Variants in KALRN observed in about 807,000 individuals in gnomAD.
The protein encoded by KALRN is kalirin RhoGEF kinase.
In KALRN, 70 loss-of-function variants were observed where a neutral mutation model predicts 353.7. That is an observed-to-expected ratio of 0.20 (90% CI 0.16 to 0.24). The LOEUF (loss-of-function observed/expected upper bound fraction) is 0.24. KALRN is among the 10% of genes least tolerant of loss of function. KALRN has a pLI of 1.00. For missense variants in KALRN, 2,791 were observed against 3,756.7 expected (o/e 0.74, Z 6.72); for synonymous variants, 1,391 against 1,434.8 (o/e 0.97, Z 0.69).
chr3:124,186,264 C>T lies in KALRN; in HGVS notation c.74-41726C>T, dbSNP rs766619346. Among the ~76,000 whole-genome samples, 39 of 152,096 alleles carry T rather than the reference C, an allele frequency of 2.6e-4. 1 individual carries two copies. Among genetic ancestry groups the T allele is most frequent in the African/African-American group, 7.2e-5 (3 of 41,406 alleles). ...GCACTCCTGGATATTGTGTGTCAGG[C>T]GTCTCTTGAAGACATTTACCCCAGT... On this transcript the variant is annotated intron_variant, in intron 1 of 59. Transcript: ENST00000682506.
rs1302565417 is a variant in KALRN at position 124,616,978 on chromosome 3, A to G, written c.5183-15442A>G. Among the ~76,000 whole-genome samples the G allele has an allele frequency of 2.0e-5, 3 of 151,432 alleles. 1 individual carries two copies. Among genetic ancestry groups the G allele is most frequent in the African/African-American group, 7.3e-5 (3 of 41,172 alleles). On this transcript the variant is annotated intron_variant, in intron 34 of 59. Transcript: ENST00000682506. ...AGACTCCATCTCCAAAAAAAAAAAA[A>G]AAAAGTTATATTGCTAAGTTTTGTC...
chr3:124,399,903 G>A (rs1191343222), intron 13 of KALRN, among the ~76,000 whole-genome samples: 1 of 152,138 alleles, frequency 6.6e-6, no homozygotes, highest in Non-Finnish European at 1.5e-5. Context: ...TGTGGTATAA[G>A]GAATATCCAA....
chr3:124,111,151 C>T (rs2062927172), intron 1 of KALRN, among the ~76,000 whole-genome samples: 1 of 152,110 alleles, frequency 6.6e-6, no homozygotes, highest in Non-Finnish European at 1.5e-5. Context: ...ATCACCCAGC[C>T]TGCCACTACA....
intron 33 of KALRN, among the ~76,000 whole-genome samples, chr3:124,539,466 C>T (rs1276081418): frequency 6.6e-6 from 1 of 152,156 alleles, no homozygotes; most frequent in Non-Finnish European, 1.5e-5. Flanking sequence ...TTTTGCACAG[C>T]TGAGCACCCA....
intron 1 of KALRN, among the ~76,000 whole-genome samples, chr3:124,036,998 A>G (rs1263042683): frequency 6.6e-6 from 1 of 152,196 alleles, no homozygotes; most frequent in Non-Finnish European, 1.5e-5. Context: ...CTTCTTGGGA[A>G]TTCTCTGTTC....
chr3:124,567,046 A>G (rs987065746), intron 34 of KALRN, among the ~76,000 whole-genome samples: 6 of 152,162 alleles, frequency 3.9e-5, no homozygotes, highest in African/African-American at 1.4e-4. Flanking sequence ...ATGGTTCTTG[A>G]TGATCCACTA....
chr3:124,470,826 A>G (rs894225592), intron 25 of KALRN, among the ~76,000 whole-genome samples: 1 of 152,236 alleles, frequency 6.6e-6, no homozygotes, highest in Non-Finnish European at 1.5e-5. Context: ...AGCACAAAGA[A>G]GTTTGAGAAG....
chr3:124,452,467 G>T (rs2058883149), intron 21 of KALRN, among the ~76,000 whole-genome samples: 1 of 152,184 alleles, frequency 6.6e-6, no homozygotes, highest in African/African-American at 2.4e-5. Context: ...TAAAATAGAA[G>T]CATGTATGTG....
chr3:124,156,795 G>A (rs778208965), intron 1 of KALRN, among the ~76,000 whole-genome samples: 1 of 152,162 alleles, frequency 6.6e-6, no homozygotes, highest in Non-Finnish European at 1.5e-5. Flanking sequence ...CATGGAGTTA[G>A]GACTGTGGCA....
chr3:124,406,832 C>CTTTTTTTTTT (rs10686645), intron 13 of KALRN, among the ~76,000 whole-genome samples: 3 of 126,314 alleles, frequency 2.4e-5, no homozygotes, highest in Non-Finnish European at 1.6e-5. Flanking sequence ...AGTTGCTTTG[C>CTTTTTTTTTT]TTTTTTTTTT....
chr3:124,324,327 G>C (rs1220903278), intron 6 of KALRN, among the ~76,000 whole-genome samples: 1 of 152,152 alleles, frequency 6.6e-6, no homozygotes, highest in African/African-American at 2.4e-5. Flanking sequence ...TCCCATAGAA[G>C]ATAAAACTGT....
intron 1 of KALRN, among the ~76,000 whole-genome samples, chr3:124,092,426 T>G (rs1351764527): frequency 6.6e-6 from 1 of 152,264 alleles, no homozygotes; most frequent in Non-Finnish European, 1.5e-5. Context: ...CATTCTTACT[T>G]GGAGATGCAC....
intron 8 of KALRN, among the ~76,000 whole-genome samples, chr3:124,333,041 G>A (rs902863190): frequency 1.3e-5 from 2 of 152,222 alleles, no homozygotes; most frequent in African/African-American, 4.8e-5. Context: ...GCAGAAAGAG[G>A]AGGAGGAGCA....
rs536410762 is a variant in KALRN at position 124,587,887 on chromosome 3, G to T, written c.5182+24798G>T. On this transcript the variant is annotated intron_variant, in intron 34 of 59. Transcript: ENST00000682506. The stretch of plus-strand genomic sequence containing the variant: ...TATTTTTATTTTTTGTAGAGACAAG[G>T]TCTCACTATGTTGCCAGGCTGGTCT... Among the ~76,000 whole-genome samples, 40 of 136,522 alleles carry T rather than the reference G, an allele frequency of 2.9e-4. 1 individual carries two copies. In the South Asian group the frequency reaches 9.2e-3, roughly 31 times the overall value. 89.6% of individuals were successfully genotyped at this position (136,522 alleles called of 152,430 possible). A position where few individuals can be genotyped will look rare whatever the true frequency, so the allele number is the denominator to read the frequency against.
At chr3:124,363,565 C>A (rs571773070) in intron 10 of KALRN, among the ~76,000 whole-genome samples, 1 of 152,306 alleles carries the variant, frequency 6.6e-6, no homozygotes. Flanking sequence ...CATTATTTTT[C>A]AGGGGATATG....
chr3:124,098,463 G>T (rs990812003), intron 1 of KALRN, among the ~76,000 whole-genome samples: 1 of 152,074 alleles, frequency 6.6e-6, no homozygotes, highest in Non-Finnish European at 1.5e-5. Flanking sequence ...TTAGTTTCTT[G>T]GCCCCAGTAT....
intron 1 of KALRN, among the ~76,000 whole-genome samples, chr3:124,037,850 G>A (rs946456070): frequency 6.6e-6 from 1 of 152,162 alleles, no homozygotes; most frequent in Non-Finnish European, 1.5e-5. Context: ...TGATGGACAG[G>A]TGTGGGCTGG....
chr3:124,271,423 C>T (rs1235916072), intron 5 of KALRN, among the ~76,000 whole-genome samples: 1 of 152,212 alleles, frequency 6.6e-6, no homozygotes, highest in Non-Finnish European at 1.5e-5. Context: ...GTCAAGGAGG[C>T]TGCCTTTCTA....
intron 1 of KALRN, among the ~76,000 whole-genome samples, chr3:124,156,125 T>C (rs940720014): frequency 1.3e-5 from 2 of 152,148 alleles, no homozygotes; most frequent in Non-Finnish European, 2.9e-5. Flanking sequence ...TTCAGGGTGG[T>C]ATATGAAGTG....
Sources: allele counts gnomAD v4.1 joint callset (sites outside exome capture counted in the v4.1 genomes callset), GRCh38; gene constraint gnomAD v4.1.1; transcripts MANE v1.5; gene names NCBI Gene and HGNC (gene_info 2026-07-23, HGNC 2026-07-21).